Variants in SLC24A4 observed in about 807,000 individuals in gnomAD.
SLC24A4 encodes sodium/potassium/calcium exchanger 4.
SLC24A4 carries 53 observed loss-of-function variants against 79.0 expected under a neutral mutation model. The ratio of observed to expected loss-of-function variants is 0.67; its 90% CI spans 0.54 to 0.84. SLC24A4 has a LOEUF of 0.84. SLC24A4 is among the 40% of genes least tolerant of loss of function. SLC24A4 has a pLI of 0.00. For synonymous variants in SLC24A4, 323 were observed against 323.8 expected, an observed-to-expected ratio of 1.00 and a Z score of 0.03; for missense variants, 731 against 822.0, an observed-to-expected ratio of 0.89 and a Z score of 1.35.
rs1017323395 is a variant in SLC24A4 at position 92,497,797 on chromosome 14, G to T, written c.*4169G>T. 1 of 152,396 alleles carries T rather than the reference G, an allele frequency of 6.6e-6. No individual in the cohort carries two copies. Among genetic ancestry groups the T allele is most frequent in the Non-Finnish European group, 1.5e-5 (1 of 68,260 alleles). The allele number at this position is 152,396 out of a possible 1,614,324, so 9.4% of individuals were successfully genotyped here. ...CATCCCCATCTTTCCTTTCCTTCTG[G>T]GCCATGCTCCTCCCTGGCTGGAAAA... On this transcript the variant is annotated 3_prime_UTR_variant, in exon 17 of 17. Coordinates refer to ENST00000532405, the MANE Select transcript of SLC24A4 (RefSeq NM_153646.4).
intron 2 of SLC24A4, among the ~76,000 whole-genome samples, chr14:92,416,121 TG>T (rs1421425602): frequency 8.3e-6 from 1 of 120,716 alleles, no homozygotes; most frequent in Admixed American, 8.5e-5. Flanking sequence ...TTTGTGTGTG[TG>T]GTGTGTGTGT....
At chr14:92,409,232 A>G (rs1460723406) in intron 2 of SLC24A4, among the ~76,000 whole-genome samples, 1 of 152,176 alleles carries the variant, frequency 6.6e-6, no homozygotes, top group Non-Finnish European at 1.5e-5. Context: ...AACTCCAGAG[A>G]GGAAGAGATA....
chr14:92,366,223 C>G (rs950843313), intron 2 of SLC24A4, among the ~76,000 whole-genome samples: 6 of 152,204 alleles, frequency 3.9e-5, no homozygotes, highest in African/African-American at 1.4e-4. Flanking sequence ...GCACCCGAAC[C>G]AAAGGCCAAG....
intron 2 of SLC24A4, among the ~76,000 whole-genome samples, chr14:92,333,817 G>T (rs78152587): frequency 0.085 from 12,882 of 152,066 alleles, 594 homozygotes; most frequent in Non-Finnish European, 0.098. Context: ...TGTGGGGTGC[G>T]GGGGGAGAGG....
At chr14:92,328,676 G>C (rs1885291189) in intron 2 of SLC24A4, among the ~76,000 whole-genome samples, 1 of 152,238 alleles carries the variant, frequency 6.6e-6, no homozygotes, top group Non-Finnish European at 1.5e-5. Context: ...TGTCCTCCCA[G>C]ACTCAAATAT....
At chr14:92,433,303 G>A (rs1891976513) in intron 2 of SLC24A4, among the ~76,000 whole-genome samples, 1 of 152,246 alleles carries the variant, frequency 6.6e-6, no homozygotes, top group African/African-American at 2.4e-5. Context: ...GAGCAGATGA[G>A]TTGCTCAGAG....
intron 2 of SLC24A4, among the ~76,000 whole-genome samples, chr14:92,367,493 G>T (rs928322649): frequency 6.6e-5 from 10 of 152,210 alleles, no homozygotes; most frequent in Non-Finnish European, 8.8e-5. Flanking sequence ...TTATCCCAAG[G>T]TTGGTCTCCG....
intron 2 of SLC24A4, among the ~76,000 whole-genome samples, chr14:92,391,809 C>T (rs894108218): frequency 1.3e-5 from 2 of 152,234 alleles, no homozygotes; most frequent in South Asian, 2.1e-4. Context: ...GGTCATGTGG[C>T]GGTGTCCTGC....
chr14:92,470,808 A>T (rs542106196), intron 12 of SLC24A4, among the ~76,000 whole-genome samples: 6 of 152,330 alleles, frequency 3.9e-5, no homozygotes, highest in African/African-American at 1.4e-4. Flanking sequence ...GAATTAGTCC[A>T]GACTCCTAAT....
rs371311378 is a variant in SLC24A4 at position 92,501,241 on chromosome 14, A to G, written c.*7613A>G. The G allele has an allele frequency of 6.6e-6, 1 of 152,228 alleles. No individual in the cohort carries two copies. The highest frequency in any genetic ancestry group is 2.4e-5 in the African/African-American group (1 of 41,448). The allele number at this position is 152,228 out of a possible 1,614,324, so 9.4% of individuals were successfully genotyped here. On this transcript the variant is annotated 3_prime_UTR_variant, in exon 17 of 17. Transcript: ENST00000532405. ...ATTTATCCCGCTATTTATTTTTTCA[A>G]TAACTGTGACCTCCTGCACTGTGAA... is the stretch of plus-strand genomic sequence containing the variant.
In SLC24A4 at chr14:92,483,752, C is replaced by T. The variant is rs557492739; in HGVS notation, c.1422+906C>T. 3.1e-6 allele frequency: 4 copies of T among 1,290,050 alleles called. No individual in the cohort carries two copies. The South Asian group carries it at 3.7e-5, about 12-fold the overall frequency. The allele number at this position is 1,290,050 out of a possible 1,614,324, so 79.9% of individuals were successfully genotyped here. A position where few individuals can be genotyped will look rare whatever the true frequency, so the allele number is the denominator to read the frequency against. On this transcript the variant is annotated intron_variant, in intron 13 of 16. Transcript: ENST00000532405. ...GGAGCAAAGAGAGGGGAAGCAGTTC[C>T]AGCATGGCTGCAGTTCTGTTGATTG...
intron 2 of SLC24A4, among the ~76,000 whole-genome samples, chr14:92,423,589 A>C (rs1486894319): frequency 6.6e-6 from 1 of 152,252 alleles, no homozygotes; most frequent in East Asian, 1.9e-4. Context: ...GACACAACTA[A>C]AGATTGCTGC....
rs145970342 is a variant in SLC24A4 at position 92,326,752 on chromosome 14, G to A, written c.241+774G>A. Among the ~76,000 whole-genome samples the A allele has an allele frequency of 1.3e-3, 199 of 152,262 alleles. 2 individuals are homozygous for A. Among genetic ancestry groups the A allele is most frequent in the African/African-American group, 4.5e-3 (189 of 41,556 alleles). On this transcript the variant is annotated intron_variant, in intron 2 of 16. Transcript: ENST00000532405. ...AGGTCTTTGTGAGGAGGATCTGGGG[G>A]GATGATACATTCACAAGCCCTTAGG...
At chr14:92,401,760 G>A (rs1485649485) in intron 2 of SLC24A4, among the ~76,000 whole-genome samples, 1 of 152,166 alleles carries the variant, frequency 6.6e-6, no homozygotes, top group Non-Finnish European at 1.5e-5. Context: ...GTGCCCTGAG[G>A]TGTGTCTGCC....
intron 14 of SLC24A4, among the ~76,000 whole-genome samples, chr14:92,487,226 T>G (rs1278987368): frequency 6.6e-6 from 1 of 152,232 alleles, no homozygotes; most frequent in Non-Finnish European, 1.5e-5. Flanking sequence ...GTTTTCGTTT[T>G]GGGCTTACTA....
intron 2 of SLC24A4, among the ~76,000 whole-genome samples, chr14:92,421,172 A>C (rs747925428): frequency 5.9e-5 from 9 of 152,198 alleles, no homozygotes; most frequent in Non-Finnish European, 1.2e-4. Flanking sequence ...CAACAACGAG[A>C]AAAACAGTGG....
At chr14:92,388,480 T>C (rs1889290213) in intron 2 of SLC24A4, among the ~76,000 whole-genome samples, 1 of 152,258 alleles carries the variant, frequency 6.6e-6, no homozygotes. Context: ...CGATCTTCTT[T>C]TTGGTTAATG....
chr14:92,369,758 A>G (rs12883517), intron 2 of SLC24A4, among the ~76,000 whole-genome samples: 9,523 of 152,234 alleles, frequency 0.063, 356 homozygotes, highest in Admixed American at 0.11. Flanking sequence ...TTTTAGCAGT[A>G]TCCCTGGCTC....
chr14:92,396,509 T>C (rs1889788613), intron 2 of SLC24A4, among the ~76,000 whole-genome samples: 1 of 152,196 alleles, frequency 6.6e-6, no homozygotes, highest in African/African-American at 2.4e-5. Flanking sequence ...TGGGAACCCT[T>C]GTTTCTGATC....
Sources: gnomAD v4.1 joint callset for allele counts (sites outside exome capture counted in the v4.1 genomes callset) on GRCh38, gnomAD v4.1.1 for gene constraint, MANE v1.5 for transcripts, NCBI Gene and HGNC (gene_info 2026-07-23, HGNC 2026-07-21) for gene names.